NSMAF: variants seen among roughly 807,000 people sequenced by gnomAD.
NSMAF encodes protein FAN.
A neutral mutation model predicts 134.9 loss-of-function variants in NSMAF; 90 were observed. That is an observed-to-expected ratio of 0.67 (90% CI 0.56 to 0.79). NSMAF has a LOEUF of 0.79. NSMAF is among the 30% of genes least tolerant of loss of function. The pLI, the probability that NSMAF is intolerant of heterozygous loss-of-function variation, is 0.00. For missense variants in NSMAF, 1,010 were observed against 1,119.0 expected, an observed-to-expected ratio of 0.90 and a Z score of 1.39; for synonymous variants, 358 against 389.6, an observed-to-expected ratio of 0.92 and a Z score of 0.96.
At chr8:58,638,730 G>T (rs970514462) in intron 2 of NSMAF, among the ~76,000 whole-genome samples, 10 of 152,154 alleles carry the variant, frequency 6.6e-5, no homozygotes, top group Admixed American at 2.6e-4. Flanking sequence ...TATTTTGGAT[G>T]ACTCCAAAAG....
intron 16 of NSMAF, among the ~76,000 whole-genome samples, chr8:58,600,902 C>T (rs1330380254): frequency 6.6e-6 from 1 of 151,778 alleles, no homozygotes; most frequent in Non-Finnish European, 1.5e-5. Context: ...GCAAAATTAT[C>T]AAGAATAATA....
intron 9 of NSMAF, among the ~76,000 whole-genome samples, chr8:58,615,336 C>A (rs1585743068): frequency 1.3e-5 from 2 of 152,126 alleles, no homozygotes; most frequent in African/African-American, 4.8e-5. Context: ...ACCAGTTGGA[C>A]CCATACGGCA....
At chr8:58,593,868 G>A (rs1481344511) in intron 23 of NSMAF, among the ~76,000 whole-genome samples, 1 of 152,196 alleles carries the variant, frequency 6.6e-6, no homozygotes, top group Admixed American at 6.5e-5. Context: ...ATTTCCACGT[G>A]CTGACAGGCA....
chr8:58,586,743 G>T, intron 27 of NSMAF, 135 bp from the exon 28 acceptor site: 1 of 625,140 alleles, frequency 1.6e-6, no homozygotes, highest in South Asian at 2.4e-5. Flanking sequence ...TGTTGCTAAT[G>T]CAGATGTATT....
chr8:58,594,514 C>T, intron 22 of NSMAF: 1 of 553,272 alleles, frequency 1.8e-6, no homozygotes, highest in Non-Finnish European at 3.2e-6. Flanking sequence ...CTCTTTGCTT[C>T]CCTGTGTTCC....
At chr8:58,596,848 G>A (rs970150269) in intron 21 of NSMAF, among the ~76,000 whole-genome samples, 1 of 151,580 alleles carries the variant, frequency 6.6e-6, no homozygotes, top group African/African-American at 2.4e-5. Context: ...GAACGGCGGC[G>A]TGAACCCGGG....
At chr8:58,637,527 G>C (rs191292144) in intron 2 of NSMAF, 3 of 331,526 alleles carry the variant, frequency 9.0e-6, no homozygotes, top group Admixed American at 3.6e-5. Flanking sequence ...GAAAGAACAG[G>C]CATCCAAATT....
At chr8:58,626,865 C>T (rs1585750859) in intron 6 of NSMAF, among the ~76,000 whole-genome samples, 1 of 152,178 alleles carries the variant, frequency 6.6e-6, no homozygotes, top group Admixed American at 6.5e-5. Context: ...TCCATGCCAA[C>T]GTCTATTATT....
rs150112584 is a variant in NSMAF at position 58,615,347 on chromosome 8, C to T, written c.558-5614G>A. On this transcript the variant is annotated intron_variant, in intron 9 of 30. Coordinates refer to ENST00000038176, the MANE Select transcript of NSMAF (RefSeq NM_003580.4). Reference sequence around the variant, plus strand: ...ATCAACCAGTTGGACCCATACGGCACTTATGGAATACTATTTTCAACAGCT... The same window carrying T: ...ATCAACCAGTTGGACCCATACGGCATTTATGGAATACTATTTTCAACAGCT... Among the ~76,000 whole-genome samples the T allele has an allele frequency of 4.6e-4, 70 of 152,238 alleles. 1 individual carries two copies. The East Asian group carries it at 0.011, about 23-fold the overall frequency.
chr8:58,596,969 A>C (rs570914843), intron 21 of NSMAF, among the ~76,000 whole-genome samples: 1 of 151,988 alleles, frequency 6.6e-6, no homozygotes, highest in African/African-American at 2.4e-5. Context: ...TGGGTATAGA[A>C]GAGCATAATT....
intron 6 of NSMAF, among the ~76,000 whole-genome samples, chr8:58,624,834 AGT>A (rs1806880378): frequency 6.6e-6 from 1 of 152,108 alleles, no homozygotes; most frequent in African/African-American, 2.4e-5. Context: ...CATTGTCGAA[AGT>A]GTGGTATTGA....
At chr8:58,598,499 AAAAAAAAAAAAAG>A (rs992385788) in intron 19 of NSMAF, among the ~76,000 whole-genome samples, 7 of 37,422 alleles carry the variant, frequency 1.9e-4, no homozygotes, top group Non-Finnish European at 2.6e-4. Context: ...ACAAAAAAAA[AAAAAAAAAAAAAG>A]AAAAAAAAAA....
chr8:58,594,496 C>T, intron 22 of NSMAF: 1 of 568,458 alleles, frequency 1.8e-6, no homozygotes, highest in Non-Finnish European at 3.1e-6. Context: ...GGCTAGAAAA[C>T]ATCCCCACTC....
chr8:58,590,807 G>T, intron 24 of NSMAF, 60 bp downstream of exon 24: 3 of 1,456,712 alleles, frequency 2.1e-6, no homozygotes, highest in Non-Finnish European at 1.9e-6. Context: ...TATTGTATGG[G>T]TGTGTATAAA....
Position 58,599,974 on chromosome 8 carries a change from TTA to T in NSMAF, c.1326_1327del (p.Phe442LeufsTer10). Reference sequence around the variant, plus strand: ...TCAGCTTTATTAACTGCTTACCTCTTTAAAATCCGTTGCACCATCCAGACAGT... The same window carrying T: ...TCAGCTTTATTAACTGCTTACCTCTTAAATCCGTTGCACCATCCAGACAGT... On this transcript the variant is annotated frameshift_variant, in exon 17 of 31. Coordinates refer to ENST00000038176, the MANE Select transcript of NSMAF (RefSeq NM_003580.4). LOFTEE classifies it high-confidence loss of function. The T allele has an allele frequency of 2.5e-6, 4 of 1,614,026 alleles. No homozygotes were observed. The highest frequency in any genetic ancestry group is 2.5e-6 in the Non-Finnish European group (3 of 1,179,962).
chr8:58,584,658 T>C (rs1018822832), intron 30 of NSMAF, among the ~76,000 whole-genome samples: 1 of 152,146 alleles, frequency 6.6e-6, no homozygotes, highest in East Asian at 1.9e-4. Context: ...TTTTTTGAAA[T>C]AGTCTCGCTC....
In NSMAF at chr8:58,632,001, A is replaced by G. The variant is rs151180209; in HGVS notation, c.334-455T>C. ...TGGGCCACTGGTCCTTACATAGTATATTAATAACTATGTGGAATAAGTGAC... is the reference window on the plus strand; with the variant it reads ...TGGGCCACTGGTCCTTACATAGTATGTTAATAACTATGTGGAATAAGTGAC... On this transcript the variant is annotated intron_variant, in intron 5 of 30. Coordinates refer to ENST00000038176, the MANE Select transcript of NSMAF (RefSeq NM_003580.4). Among the ~76,000 whole-genome samples the G allele has an allele frequency of 1.5e-3, 230 of 152,236 alleles. 2 individuals are homozygous for G. The highest frequency in any genetic ancestry group is 5.2e-3 in the African/African-American group (217 of 41,524).
At chr8:58,585,265 C>G (rs948033634) in intron 30 of NSMAF, among the ~76,000 whole-genome samples, 2 of 150,612 alleles carry the variant, frequency 1.3e-5, no homozygotes, top group African/African-American at 4.9e-5. Context: ...TAGGAGTCAG[C>G]GGTAGAAAGA....
chr8:58,644,784 C>T (rs1032158818), intron 1 of NSMAF, among the ~76,000 whole-genome samples: 13 of 152,068 alleles, frequency 8.5e-5, no homozygotes, highest in Admixed American at 2.0e-4. Context: ...ACTATGCAGC[C>T]GTAAAAAAGG....
Sources: allele counts gnomAD v4.1 joint callset (sites outside exome capture counted in the v4.1 genomes callset), GRCh38; gene constraint gnomAD v4.1.1; transcripts MANE v1.5; gene names NCBI Gene and HGNC (gene_info 2026-07-23, HGNC 2026-07-21).